EDIL3: variants seen among roughly 807,000 people sequenced by gnomAD.
EDIL3 encodes EGF-like repeat and discoidin I-like domain-containing protein 3.
A neutral mutation model predicts 67.4 loss-of-function variants in EDIL3; 37 were observed. The ratio of observed to expected loss-of-function variants is 0.55; its 90% CI spans 0.42 to 0.72. The LOEUF is 0.72. Among genes scored for constraint, EDIL3 ranks in the 30% least tolerant of loss-of-function variants. EDIL3 has a pLI of 0.00. For missense variants in EDIL3, 527 were observed against 586.3 expected (o/e 0.90, Z 1.04); for synonymous variants, 195 against 196.3 (o/e 0.99, Z 0.05).
chr5:84,149,144 C>T (rs962008544), intron 4 of EDIL3, among the ~76,000 whole-genome samples: 4 of 152,064 alleles, frequency 2.6e-5, no homozygotes, highest in East Asian at 3.9e-4. Flanking sequence ...TCTGGAGAGT[C>T]GACGGAGGCT....
intron 9 of EDIL3, among the ~76,000 whole-genome samples, chr5:84,049,096 A>G (rs1746283412): frequency 1.3e-5 from 2 of 152,208 alleles, no homozygotes; most frequent in African/African-American, 4.8e-5. Context: ...ATGATAAATT[A>G]CTCACTTTAA....
chr5:84,009,678 G>C (rs62364186), intron 9 of EDIL3, among the ~76,000 whole-genome samples: 1 of 152,110 alleles, frequency 6.6e-6, no homozygotes, highest in Non-Finnish European at 1.5e-5. Context: ...GTCATGAGTC[G>C]CTGCTACACA....
intron 9 of EDIL3, among the ~76,000 whole-genome samples, chr5:84,022,206 C>T (rs1052653883): frequency 5.3e-5 from 8 of 151,778 alleles, no homozygotes; most frequent in African/African-American, 1.7e-4. Flanking sequence ...AACAAAAATA[C>T]AATACACCAT....
intron 9 of EDIL3, among the ~76,000 whole-genome samples, chr5:83,992,724 GAAGT>G (rs1561396414): frequency 6.6e-6 from 1 of 151,928 alleles, no homozygotes; most frequent in Non-Finnish European, 1.5e-5. Context: ...ATCACAGCAC[GAAGT>G]AATGAAAGAC....
chr5:84,267,450 T>C (rs2112091765), intron 1 of EDIL3, among the ~76,000 whole-genome samples: 1 of 152,286 alleles, frequency 6.6e-6, no homozygotes, highest in East Asian at 1.9e-4. Context: ...GGCAGACACA[T>C]GATAGTAGCG....
rs77410521 is a variant in EDIL3, at chr5:83,965,138, G to T, written c.1138-1778C>A. 5.1e-4 allele frequency among the ~76,000 whole-genome samples: 77 copies of T among 152,158 alleles called. 4 individuals are homozygous for T. The East Asian group carries it at 0.015, about 29-fold the overall frequency. On this transcript the variant is annotated intron_variant, in intron 9 of 10. Coordinates refer to ENST00000296591, the MANE Select transcript of EDIL3 (RefSeq NM_005711.5). ...CATAACGGATCAGTCATTGATTTTT[G>T]CAGTAAGTGATTACCATTGATCATT...
At chr5:83,972,288 G>C (rs1744806392) in intron 9 of EDIL3, among the ~76,000 whole-genome samples, 1 of 152,120 alleles carries the variant, frequency 6.6e-6, no homozygotes, top group Non-Finnish European at 1.5e-5. Flanking sequence ...GATGTTTCTG[G>C]TTGTGGCAAC....
At chr5:83,961,310 A>T (rs1189576577) in intron 10 of EDIL3, among the ~76,000 whole-genome samples, 1 of 151,142 alleles carries the variant, frequency 6.6e-6, no homozygotes. Flanking sequence ...AACAGATAGT[A>T]CAAGTAGACA....
chr5:84,310,398 A>T (rs1156339409), intron 1 of EDIL3, among the ~76,000 whole-genome samples: 1 of 152,216 alleles, frequency 6.6e-6, no homozygotes, highest in Non-Finnish European at 1.5e-5. Context: ...CATTATGTTA[A>T]AACCATGTAT....
chr5:83,973,730 T>C (rs1744829143), intron 9 of EDIL3, among the ~76,000 whole-genome samples: 1 of 152,102 alleles, frequency 6.6e-6, no homozygotes, highest in Non-Finnish European at 1.5e-5. Flanking sequence ...AACATCTATA[T>C]ACAAATTTGT....
intron 3 of EDIL3, among the ~76,000 whole-genome samples, chr5:84,185,913 T>C (rs968608839): frequency 6.6e-6 from 1 of 152,140 alleles, no homozygotes; most frequent in Non-Finnish European, 1.5e-5. Context: ...ATTTAACTAC[T>C]TCTATATAAA....
chr5:84,040,242 AC>A (rs1746096498), intron 9 of EDIL3, among the ~76,000 whole-genome samples: 1 of 152,078 alleles, frequency 6.6e-6, no homozygotes, highest in Non-Finnish European at 1.5e-5. Context: ...TAGATTGATA[AC>A]TCTTGAAAAT....
intron 1 of EDIL3, among the ~76,000 whole-genome samples, chr5:84,358,736 A>C (rs1053060223): frequency 2.7e-5 from 4 of 150,578 alleles, no homozygotes; most frequent in African/African-American, 9.8e-5. Context: ...CAGCCTCCCG[A>C]GTAGCTGGGA....
rs73142668 is a variant in EDIL3, at chr5:84,279,842, C to A, written c.68-25630G>T. ...TTTACTGCTGCACATTCTCTCCAGA[C>A]ACCCAGGAATTCTGTACTAAAATAA... is the stretch of plus-strand genomic sequence containing the variant. On this transcript the variant is annotated intron_variant, in intron 1 of 10. Transcript: ENST00000296591. Among the ~76,000 whole-genome samples, 657 of 152,292 alleles carry A rather than the reference C, an allele frequency of 4.3e-3. 4 individuals are homozygous for A. The highest frequency in any genetic ancestry group is 0.015 in the African/African-American group (634 of 41,558).
intron 9 of EDIL3, among the ~76,000 whole-genome samples, chr5:83,986,599 G>A (rs540269388): frequency 3.3e-5 from 5 of 152,150 alleles, no homozygotes; most frequent in South Asian, 2.1e-4. Context: ...CTAGGCACTC[G>A]GGTTACTAAA....
intron 4 of EDIL3, among the ~76,000 whole-genome samples, chr5:84,160,106 G>C (rs1748576442): frequency 1.3e-5 from 2 of 152,066 alleles, no homozygotes; most frequent in Admixed American, 1.3e-4. Context: ...GTTCTGCTTT[G>C]TAGAACTACT....
intron 6 of EDIL3, among the ~76,000 whole-genome samples, chr5:84,082,213 T>C (rs1356624616): frequency 6.6e-6 from 1 of 152,222 alleles, no homozygotes; most frequent in Non-Finnish European, 1.5e-5. Context: ...CCTTTCCATG[T>C]GTGGAAATAT....
rs985748705 is a variant in EDIL3 at position 84,075,383 on chromosome 5, A to G, written c.652-8777T>C. ...AAATAAAAAAGTAAACATTTTTATT[A>G]CAAGAACATCACAGGTAAAGTTCAC... On this transcript the variant is annotated intron_variant, in intron 6 of 10. Transcript: ENST00000296591. Among the ~76,000 whole-genome samples the G allele has an allele frequency of 3.3e-5, 5 of 152,218 alleles. No individual in the cohort carries two copies. In the East Asian group the frequency reaches 9.6e-4, roughly 29 times the overall value.
intron 1 of EDIL3, among the ~76,000 whole-genome samples, chr5:84,350,365 G>A (rs1309696238): frequency 1.3e-5 from 2 of 151,936 alleles, no homozygotes; most frequent in Non-Finnish European, 2.9e-5. Context: ...ACTTTCTAGT[G>A]AGGTTGAGTA....
Sources: allele counts gnomAD v4.1 joint callset (sites outside exome capture counted in the v4.1 genomes callset), GRCh38; gene constraint gnomAD v4.1.1; transcripts MANE v1.5; gene names NCBI Gene and HGNC (gene_info 2026-07-23, HGNC 2026-07-21).